SMIM31: variants seen among roughly 807,000 people sequenced by gnomAD.
SMIM31 encodes small integral membrane protein 31.
At chr4:164,799,321 G>T (rs1168612765) in intron 2 of SMIM31, among the ~76,000 whole-genome samples, 1 of 151,816 alleles carries the variant, frequency 6.6e-6, no homozygotes, top group African/African-American at 2.4e-5. Context: ...GGAGTTCAAG[G>T]CTGCAGTGAG....
At chr4:164,760,729 G>A (rs1337257652) in intron 1 of SMIM31, among the ~76,000 whole-genome samples, 1 of 109,242 alleles carries the variant, frequency 9.2e-6, no homozygotes, top group African/African-American at 3.6e-5. Context: ...AGAAGAGTGA[G>A]ACTCCACCTA....
At chr4:164,783,622 C>T (rs1451563338) in intron 2 of SMIM31, among the ~76,000 whole-genome samples, 2 of 147,382 alleles carry the variant, frequency 1.4e-5, no homozygotes, top group Non-Finnish European at 3.0e-5. Flanking sequence ...CTTAGAAAAA[C>T]ATGTGATCCA....
chr4:164,801,228 CAG>C lies in SMIM31; in HGVS notation c.*37_*38del. 1 of 398,728 alleles carries C rather than the reference CAG, an allele frequency of 2.5e-6. No individual in the cohort carries two copies. The highest frequency in any genetic ancestry group is 4.4e-6 in the Non-Finnish European group (1 of 225,930). 24.7% of individuals were successfully genotyped at this position (398,728 alleles called of 1,614,324 possible). On this transcript the variant is annotated 3_prime_UTR_variant, in exon 3 of 3. Transcript: ENST00000507311. ...CCACCGATATTTCTCGCTAAGAAGA[CAG>C]AGGAAGCAATCCATGGGAACTACTT... is the stretch of plus-strand genomic sequence containing the variant.
At chr4:164,786,652 C>T (rs1466444287) in intron 2 of SMIM31, among the ~76,000 whole-genome samples, 1 of 152,150 alleles carries the variant, frequency 6.6e-6, no homozygotes, top group Non-Finnish European at 1.5e-5. Flanking sequence ...ACTAAAATCC[C>T]TCTTTTTTGT....
intron 2 of SMIM31, among the ~76,000 whole-genome samples, chr4:164,792,495 C>T (rs1291477828): frequency 1.3e-5 from 2 of 152,050 alleles, no homozygotes; most frequent in Non-Finnish European, 2.9e-5. Context: ...AAAGGAAGAA[C>T]ATGAAGATGC....
Position 164,758,801 on chromosome 4 carries a change from A to ATTTTTTTTT in SMIM31, c.-26+4422_-26+4430dup, listed in dbSNP as rs35632469. Among the ~76,000 whole-genome samples the ATTTTTTTTT allele has an allele frequency of 8.3e-3, 504 of 60,872 alleles. 14 individuals are homozygous for ATTTTTTTTT. The highest frequency in any genetic ancestry group is 9.5e-3 in the Non-Finnish European group (331 of 34,766). 39.9% of individuals were successfully genotyped at this position (60,872 alleles called of 152,430 possible). A position where few individuals can be genotyped will look rare whatever the true frequency, so the allele number is the denominator to read the frequency against. The stretch of plus-strand genomic sequence containing the variant: ...GGCGCCCGCCACCACGCCCGGCCAA[A>ATTTTTTTTT]TTTTTTTTTTTTTTTTTTTTTTTTT... On this transcript the variant is annotated intron_variant, in intron 1 of 2. Transcript: ENST00000507311.
chr4:164,766,957 G>A (rs1039437323), intron 1 of SMIM31, among the ~76,000 whole-genome samples: 6 of 152,164 alleles, frequency 3.9e-5, no homozygotes, highest in Non-Finnish European at 8.8e-5. Context: ...AGAATGTAGA[G>A]GAGATTCTCA....
intron 2 of SMIM31, among the ~76,000 whole-genome samples, chr4:164,791,742 G>T (rs1029884315): frequency 6.6e-6 from 1 of 152,020 alleles, no homozygotes; most frequent in Non-Finnish European, 1.5e-5. Context: ...GTGGTTTTTA[G>T]TTACTTGAAT....
intron 2 of SMIM31, among the ~76,000 whole-genome samples, chr4:164,775,217 A>C (rs754821152): frequency 1.3e-5 from 2 of 152,166 alleles, no homozygotes; most frequent in Non-Finnish European, 2.9e-5. Flanking sequence ...GATAAGACTC[A>C]CTGTCCACTC....
chr4:164,756,543 G>A (rs1732563532), intron 1 of SMIM31, among the ~76,000 whole-genome samples: 2 of 151,484 alleles, frequency 1.3e-5, no homozygotes, highest in South Asian at 2.1e-4. Context: ...CTGCACTCGA[G>A]ACTGGGGGAC....
chr4:164,797,452 G>T (rs1400938704), intron 2 of SMIM31, among the ~76,000 whole-genome samples: 1 of 143,760 alleles, frequency 7.0e-6, no homozygotes, highest in Non-Finnish European at 1.5e-5. Flanking sequence ...AGAGTAAAGT[G>T]CAGATTTCTT....
chr4:164,769,398 T>TA (rs1173396112), intron 1 of SMIM31, among the ~76,000 whole-genome samples: 1 of 151,992 alleles, frequency 6.6e-6, no homozygotes, highest in Non-Finnish European at 1.5e-5. Flanking sequence ...CCACCTAACA[T>TA]AAAAACTCCT....
At chr4:164,783,471 C>A (rs1359490237) in intron 2 of SMIM31, among the ~76,000 whole-genome samples, 1 of 150,532 alleles carries the variant, frequency 6.6e-6, no homozygotes, top group Admixed American at 6.6e-5. Flanking sequence ...TTACAGTGAG[C>A]CCCTGTTGAG....
chr4:164,774,714 C>T (rs1406289393), intron 2 of SMIM31, among the ~76,000 whole-genome samples: 1 of 152,166 alleles, frequency 6.6e-6, no homozygotes, highest in African/African-American at 2.4e-5. Flanking sequence ...TTACAAACTG[C>T]ATTTTATTAA....
intron 1 of SMIM31, among the ~76,000 whole-genome samples, chr4:164,768,897 A>G (rs1308464650): frequency 7.2e-5 from 11 of 152,228 alleles, no homozygotes; most frequent in Non-Finnish European, 1.6e-4. Context: ...GAATGGCCGA[A>G]TATGTCAGAG....
At chr4:164,786,580 C>T in intron 2 of SMIM31, among the ~76,000 whole-genome samples, 1 of 152,148 alleles carries the variant, frequency 6.6e-6, no homozygotes, top group Non-Finnish European at 1.5e-5. Flanking sequence ...AATTCTAGTG[C>T]TCTTTTCTAC....
intron 1 of SMIM31, among the ~76,000 whole-genome samples, chr4:164,767,794 C>T (rs1732738537): frequency 6.6e-6 from 1 of 152,196 alleles, no homozygotes; most frequent in Non-Finnish European, 1.5e-5. Context: ...TAGTCGGGTT[C>T]CAAGTTCCAT....
chr4:164,776,834 T>A (rs1043869713), intron 2 of SMIM31, among the ~76,000 whole-genome samples: 1 of 152,228 alleles, frequency 6.6e-6, no homozygotes, highest in Admixed American at 6.5e-5. Context: ...ATCATCTTAC[T>A]CATTCTATAG....
chr4:164,778,650 TCTA>T (rs1732908346), intron 2 of SMIM31, among the ~76,000 whole-genome samples: 1 of 152,170 alleles, frequency 6.6e-6, no homozygotes. Flanking sequence ...TAATGCTATG[TCTA>T]CTTTGGAGAT....
Sources: gnomAD v4.1 joint callset for allele counts (sites outside exome capture counted in the v4.1 genomes callset) on GRCh38, gnomAD v4.1.1 for gene constraint, MANE v1.5 for transcripts, NCBI Gene and HGNC (gene_info 2026-07-23, HGNC 2026-07-21) for gene names.